BMP2K: variants seen among roughly 807,000 people sequenced by gnomAD.
The protein encoded by BMP2K is BMP2 inducible kinase.
BMP2K carries 74 observed loss-of-function variants against 116.0 expected under a neutral mutation model. The observed-to-expected ratio is 0.64, with a 90% CI of 0.53 to 0.77. The LOEUF is 0.77. Ranked by LOEUF, BMP2K falls within the 30% of genes least tolerant of loss-of-function variation. The pLI is 0.00. For synonymous variants in BMP2K, 486 were observed against 502.5 expected (o/e 0.97, Z 0.44); for missense variants, 1,365 against 1,403.6 (o/e 0.97, Z 0.44).
In BMP2K at chr4:78,842,454, T is replaced by C. The variant is rs1045141747; in HGVS notation, c.473T>C (p.Ile158Thr). 15 of 1,609,108 alleles carry C rather than the reference T, an allele frequency of 9.3e-6. No homozygotes were observed. Among genetic ancestry groups the C allele is most frequent in the Non-Finnish European group, 1.2e-5 (14 of 1,176,534 alleles). Residue 158 changes from isoleucine (I) to threonine (T), a missense_variant, in exon 4 of 16, where the codon ATA becomes ACA. Ile to Thr is a moderately conservative substitution (Grantham distance 89). Coordinates refer to ENST00000502613, the MANE Select transcript of BMP2K (RefSeq NM_198892.2). ...TTTACAGAACCAGAAGTGTTACAGA[T>C]ATTCTGTGATACCTGTGAAGCTGTT... ...TGFTEPEVLQ[I>T]FCDTCEAVAR...
At chr4:78,863,465 G>GTA (rs1054095959) in intron 9 of BMP2K, among the ~76,000 whole-genome samples, 6 of 152,068 alleles carry the variant, frequency 3.9e-5, no homozygotes, top group Admixed American at 1.3e-4. Context: ...TCTGCTCTTA[G>GTA]TATGGTTTAA....
intron 1 of BMP2K, among the ~76,000 whole-genome samples, chr4:78,789,130 T>C (rs1452734335): frequency 6.6e-6 from 1 of 152,128 alleles, no homozygotes; most frequent in Non-Finnish European, 1.5e-5. Flanking sequence ...GTTGGACTAA[T>C]AGTCTTTCTT....
chr4:78,783,136 C>T (rs1330844641), intron 1 of BMP2K, among the ~76,000 whole-genome samples: 4 of 152,098 alleles, frequency 2.6e-5, no homozygotes, highest in Admixed American at 2.0e-4. Flanking sequence ...ATAAGTATCA[C>T]ATTTGTGTTT....
intron 1 of BMP2K, among the ~76,000 whole-genome samples, chr4:78,804,836 A>G (rs112950368): frequency 6.6e-6 from 1 of 151,182 alleles, no homozygotes; most frequent in Non-Finnish European, 1.5e-5. Context: ...TTTTTATTAG[A>G]TATAGAATTT....
intron 1 of BMP2K, among the ~76,000 whole-genome samples, chr4:78,818,410 T>G (rs1729459787): frequency 6.6e-6 from 1 of 152,210 alleles, no homozygotes; most frequent in East Asian, 1.9e-4. Flanking sequence ...TTTCTCCACA[T>G]CCTCTCCAGC....
intron 15 of BMP2K, among the ~76,000 whole-genome samples, chr4:78,893,124 GA>G (rs1369072283): frequency 6.6e-6 from 1 of 152,184 alleles, no homozygotes; most frequent in Non-Finnish European, 1.5e-5. Flanking sequence ...ATTGCTTTAT[GA>G]ATTATGTTTA....
chr4:78,885,818 C>T (rs879796849), intron 14 of BMP2K, among the ~76,000 whole-genome samples: 3 of 152,112 alleles, frequency 2.0e-5, no homozygotes, highest in Non-Finnish European at 4.4e-5. Context: ...CTACAAAAAT[C>T]AGGAAGTTCT....
chr4:78,786,099 G>A lies in BMP2K; in HGVS notation c.178+9378G>A, dbSNP rs181150240. Reference sequence around the variant, plus strand: ...CACTTCTCTCAAGCTTTCTGCTATCGTCTGAATGTTTGTGACTCCTCCCGC... The same window carrying A: ...CACTTCTCTCAAGCTTTCTGCTATCATCTGAATGTTTGTGACTCCTCCCGC... On this transcript the variant is annotated intron_variant, in intron 1 of 15. Coordinates refer to ENST00000502613, the MANE Select transcript of BMP2K (RefSeq NM_198892.2). 2.6e-3 allele frequency among the ~76,000 whole-genome samples: 394 copies of A among 152,082 alleles called. 2 individuals are homozygous for A. The highest frequency in any genetic ancestry group is 4.3e-3 in the Non-Finnish European group (294 of 68,004).
intron 1 of BMP2K, among the ~76,000 whole-genome samples, chr4:78,784,640 G>T (rs1727652353): frequency 6.6e-6 from 1 of 152,164 alleles, no homozygotes; most frequent in South Asian, 2.1e-4. Flanking sequence ...TAGTCTTGTA[G>T]AATTGCAGTA....
chr4:78,847,227 C>G lies in BMP2K; in HGVS notation c.708C>G (p.Asn236Lys), dbSNP rs748569807. The G allele has an allele frequency of 1.5e-5, 24 of 1,588,704 alleles. No homozygotes were observed. Among genetic ancestry groups the G allele is most frequent in the Non-Finnish European group, 2.1e-5 (24 of 1,166,250 alleles). Residue 236 changes from asparagine (N) to lysine (K), a missense_variant, in exon 6 of 16, where the codon AAC (asparagine) becomes AAG (lysine). Coordinates refer to ENST00000502613, the MANE Select transcript of BMP2K (RefSeq NM_198892.2). Reference sequence around the variant, plus strand: ...CATACAGAGCCCCTGAAATGATCAACCTTTATGGAGGGAAACCCATCACCA... The same window carrying G: ...CATACAGAGCCCCTGAAATGATCAAGCTTTATGGAGGGAAACCCATCACCA... ...TLSYRAPEMI[N>K]LYGGKPITTK...
chr4:78,781,502 T>A (rs1294720649), intron 1 of BMP2K, among the ~76,000 whole-genome samples: 1 of 151,582 alleles, frequency 6.6e-6, no homozygotes, highest in African/African-American at 2.4e-5. Context: ...GGATGAGATA[T>A]CTGAGAGGAA....
In BMP2K at chr4:78,878,792, C is replaced by G. The variant is rs1256366945; in HGVS notation, c.1852C>G (p.Pro618Ala). Residue 618 changes from proline (P) to alanine (A), a missense_variant, in exon 14 of 16, where the codon CCA becomes GCA. Around this residue, in one of 3 missense-constraint regions of BMP2K, gnomAD observed 762 missense variants for 756.7 expected, o/e 1.01. Coordinates refer to ENST00000502613, the MANE Select transcript of BMP2K (RefSeq NM_198892.2). ...NFTNQKNISN[P>A]PDMSGWNPFG... ...CACAAATCAGAAGAACATCAGCAATCCACCTGATATGTCAGGGTGGAATCC... is the reference window on the plus strand; with the variant it reads ...CACAAATCAGAAGAACATCAGCAATGCACCTGATATGTCAGGGTGGAATCC... 1 of 1,613,132 alleles carries G rather than the reference C, an allele frequency of 6.2e-7. No homozygotes were observed. Among genetic ancestry groups the G allele is most frequent in the Non-Finnish European group, 8.5e-7 (1 of 1,179,748 alleles).
chr4:78,851,162 T>G (rs770904934), intron 7 of BMP2K, 106 bp downstream of exon 7: 2 of 1,189,432 alleles, frequency 1.7e-6, no homozygotes, highest in South Asian at 3.9e-5. Flanking sequence ...ATATGAAAAT[T>G]TTGTGAAACT....
chr4:78,872,627 A>C lies in BMP2K; in HGVS notation c.1622A>C (p.Gln541Pro). 6.2e-7 allele frequency: 1 copy of C among 1,614,008 alleles called. No homozygotes were observed. Among genetic ancestry groups the C allele is most frequent in the East Asian group, 2.2e-5 (1 of 44,880 alleles). Residue 541 changes from glutamine (Q) to proline (P), a missense_variant, in exon 13 of 16, where the codon CAG becomes CCG. By Grantham distance (76) the Gln-to-Pro change is moderately conservative. Transcript: ENST00000502613. ...TTCTTTTTTCAGATGCCGCAGTATC[A>C]GCAGGCTTTCTTTCAACAGCAGATG... ...SQYPTMMPQY[Q>P]QAFFQQQMLA...
chr4:78,888,205 A>G (rs1560546992), intron 15 of BMP2K: 1 of 152,118 alleles, frequency 6.6e-6, no homozygotes, highest in Non-Finnish European at 1.5e-5. Context: ...TTTCTCTTTG[A>G]CATTTATTAA....
chr4:78,856,188 T>C (rs549165290), intron 7 of BMP2K, among the ~76,000 whole-genome samples: 78 of 152,198 alleles, frequency 5.1e-4, no homozygotes, highest in African/African-American at 1.8e-3. Context: ...AATTCTTTCT[T>C]TCTTTCTTTT....
chr4:78,819,535 T>A (rs1040937309), intron 1 of BMP2K, among the ~76,000 whole-genome samples: 5 of 152,154 alleles, frequency 3.3e-5, no homozygotes. Context: ...GGCTCATACA[T>A]AATCTCATTT....
intron 1 of BMP2K, among the ~76,000 whole-genome samples, chr4:78,780,674 C>T (rs1268826945): frequency 2.6e-5 from 4 of 152,178 alleles, no homozygotes; most frequent in Non-Finnish European, 5.9e-5. Context: ...GTTACTACTA[C>T]ACAACTTCAT....
intron 15 of BMP2K, among the ~76,000 whole-genome samples, chr4:78,900,044 T>C (rs1733911990): frequency 6.6e-6 from 1 of 152,160 alleles, no homozygotes; most frequent in Non-Finnish European, 1.5e-5. Flanking sequence ...ATACACTAAT[T>C]TTCTTTCGCC....
Sources: allele counts gnomAD v4.1 joint callset (sites outside exome capture counted in the v4.1 genomes callset), GRCh38; gene constraint gnomAD v4.1.1; regional missense constraint gnomAD v4.1.1; transcripts MANE v1.5; gene names NCBI Gene and HGNC (gene_info 2026-07-23, HGNC 2026-07-21).